Variants in TLDC2 observed in about 807,000 individuals in gnomAD.
TLDC2 encodes the protein TLD domain-containing protein 2.
Under a neutral mutation model 27.9 loss-of-function variants are expected in TLDC2, and 23 were observed. That is an observed-to-expected ratio of 0.82 (90% confidence interval 0.59 to 1.17). The LOEUF (loss-of-function observed/expected upper bound fraction) is 1.17. TLDC2 is among the 50% of genes most tolerant of loss of function. The pLI, the probability that TLDC2 is intolerant of heterozygous loss-of-function variation, is 0.00. For synonymous variants in TLDC2, 124 were observed against 107.4 expected (o/e 1.16, Z -0.96); for missense variants, 286 against 273.4 (o/e 1.05, Z -0.32).
chr20:36,882,646 T>C (rs1257775008), intron 4 of TLDC2, among the ~76,000 whole-genome samples: 1 of 152,182 alleles, frequency 6.6e-6, no homozygotes, highest in East Asian at 1.9e-4. Context: ...CACACAGTCA[T>C]CTGGTCTCAT....
At chr20:36,892,798 T>G (rs1459768819) in intron 6 of TLDC2, 64 bp from the exon 7 acceptor site, 1 of 1,132,042 alleles carries the variant, frequency 8.8e-7, no homozygotes, top group Non-Finnish European at 1.3e-6. Context: ...AAAAGTTACT[T>G]AGCTTCAGCA....
rs180979814 is a variant in TLDC2 at position 36,893,884 on chromosome 20, G to A, written c.*1040G>A. On this transcript the variant is annotated 3_prime_UTR_variant, in exon 7 of 7. Transcript: ENST00000217320. ...ATTACATTTCTCAGCTCCCATGCCTGTTGGTTTCCAGTTAGATTTGGTCAG... is the reference window on the plus strand; with the variant it reads ...ATTACATTTCTCAGCTCCCATGCCTATTGGTTTCCAGTTAGATTTGGTCAG... 3.7e-4 allele frequency: 146 copies of A among 398,632 alleles called. No homozygotes were observed. The highest frequency in any genetic ancestry group is 1.3e-3 in the Middle Eastern group (2 of 1,588). 24.7% of individuals were successfully genotyped at this position (398,632 alleles called of 1,614,324 possible). A position where few individuals can be genotyped will look rare whatever the true frequency, so the allele number is the denominator to read the frequency against.
At chr20:36,885,702 A>G (rs1396044037) in intron 4 of TLDC2, among the ~76,000 whole-genome samples, 3 of 152,184 alleles carry the variant, frequency 2.0e-5, no homozygotes, top group Admixed American at 2.0e-4. Context: ...TGGGCCACTG[A>G]TTAAGGCAAT....
At chr20:36,883,716 C>T (rs896585940) in intron 4 of TLDC2, among the ~76,000 whole-genome samples, 2 of 152,198 alleles carry the variant, frequency 1.3e-5, no homozygotes, top group Non-Finnish European at 2.9e-5. Flanking sequence ...ACCATCATTA[C>T]TTGTGTGTCC....
chr20:36,889,908 AAT>A (rs1491556037), intron 6 of TLDC2: 1 of 107,412 alleles, frequency 9.3e-6, no homozygotes, highest in Non-Finnish European at 2.3e-5. Flanking sequence ...ATGTTCCATG[AAT>A]GTGTGTGTGT....
intron 6 of TLDC2, chr20:36,890,917 CAAT>C (rs1990060001): frequency 6.6e-6 from 1 of 152,170 alleles, no homozygotes; most frequent in Non-Finnish European, 1.5e-5. Context: ...CACAATGATA[CAAT>C]ATTAGGACTA....
chr20:36,876,237 G>A, intron 1 of TLDC2, 30 bp downstream of exon 1: 2 of 1,614,108 alleles, frequency 1.2e-6, no homozygotes, highest in Non-Finnish European at 1.7e-6. Flanking sequence ...CTGTGGTGCA[G>A]GTTGGGAGGT....
intron 1 of TLDC2, among the ~76,000 whole-genome samples, chr20:36,877,115 G>A (rs1386390815): frequency 6.6e-6 from 1 of 152,182 alleles, no homozygotes; most frequent in Non-Finnish European, 1.5e-5. Context: ...GCCAGGCGCG[G>A]TGGCTCACGC....
In TLDC2 at chr20:36,880,763, A is replaced by G. The variant is rs781687542; in HGVS notation, c.438+13A>G. 3.1e-6 allele frequency: 5 copies of G among 1,612,138 alleles called. No individual in the cohort carries two copies. Among genetic ancestry groups the G allele is most frequent in the East Asian group, 4.5e-5 (2 of 44,866 alleles). Reference sequence around the variant, plus strand: ...CCCACAGCTGAAGGTGATGTTCCCAACCTTCCATGGGGGGAGTGGGGCGTG... The same window carrying G: ...CCCACAGCTGAAGGTGATGTTCCCAGCCTTCCATGGGGGGAGTGGGGCGTG... On this transcript the variant is annotated intron_variant, in intron 4 of 6. Transcript: ENST00000217320.
chr20:36,877,473 G>T (rs1409491387), intron 1 of TLDC2, among the ~76,000 whole-genome samples: 2 of 152,152 alleles, frequency 1.3e-5, no homozygotes, highest in Middle Eastern at 3.4e-3. Context: ...GCAAGGATGG[G>T]TTTTTTGTTG....
intron 4 of TLDC2, among the ~76,000 whole-genome samples, chr20:36,884,619 G>T (rs887816106): frequency 6.6e-6 from 1 of 151,928 alleles, no homozygotes; most frequent in Non-Finnish European, 1.5e-5. Flanking sequence ...ATAGCTGGGT[G>T]TGGTGGCACA....
chr20:36,877,297 C>T (rs966963914), intron 1 of TLDC2, among the ~76,000 whole-genome samples: 1 of 149,998 alleles, frequency 6.7e-6, no homozygotes, highest in East Asian at 1.9e-4. Flanking sequence ...AAGAGAATTG[C>T]TTTAACCTGG....
Position 36,880,727 on chromosome 20 carries a change from T to G in TLDC2, c.415T>G (p.Phe139Val), listed in dbSNP as rs41305821. ...CTATGGTACTGGCGAGACATTCCTC[T>G]TCTCCTTCTCCCCACAGCTGAAGGT... is the stretch of plus-strand genomic sequence containing the variant. ...GFYGTGETFLFSFSPQLKVFK... is the reference protein window; with the variant it reads ...GFYGTGETFLVSFSPQLKVFK... The change falls in exon 4 of 7, where the codon TTC (phenylalanine) becomes GTC (valine). Residue 139 changes from phenylalanine to valine, a missense_variant. Phe to Val is a conservative substitution (Grantham distance 50, BLOSUM62 -1). Coordinates refer to ENST00000217320, the MANE Select transcript of TLDC2 (RefSeq NM_080628.3). The G allele has an allele frequency of 0.02, 31,592 of 1,614,080 alleles. 377 individuals are homozygous for G. The highest frequency in any genetic ancestry group is 0.023 in the South Asian group (2,079 of 91,084).
At chr20:36,881,631 T>C (rs1187631484) in intron 4 of TLDC2, among the ~76,000 whole-genome samples, 1 of 152,128 alleles carries the variant, frequency 6.6e-6, no homozygotes, top group African/African-American at 2.4e-5. Flanking sequence ...GTTGGGGGTT[T>C]TGCCAAACTG....
At chr20:36,888,025 C>A (rs1989962752) in intron 5 of TLDC2, among the ~76,000 whole-genome samples, 1 of 152,140 alleles carries the variant, frequency 6.6e-6, no homozygotes, top group Admixed American at 6.6e-5. Flanking sequence ...TAGTACCAGG[C>A]AAATTCTTTG....
chr20:36,887,864 T>C (rs938300766), intron 5 of TLDC2, among the ~76,000 whole-genome samples: 2 of 152,006 alleles, frequency 1.3e-5, no homozygotes, highest in African/African-American at 4.8e-5. Context: ...GCCCAGGAAT[T>C]GCAGGGGACA....
chr20:36,876,126 G>A (rs1389550310), upstream of TLDC2: 4 of 1,612,874 alleles, frequency 2.5e-6, no homozygotes, highest in East Asian at 8.9e-5. Flanking sequence ...TCCTGGGCAG[G>A]GCTGAGGATT....
Position 36,889,420 on chromosome 20 carries a change from A to T in TLDC2, c.*17+17A>T, listed in dbSNP as rs756975217. On this transcript the variant is annotated intron_variant, in intron 6 of 6. Transcript: ENST00000217320. ...CGGCAACAGGTACTCAGCCCTGCTC[A>T]TGATGCCACCCAGGCCTTCCTGACA... The T allele has an allele frequency of 6.2e-7, 1 of 1,607,336 alleles. No individual in the cohort carries two copies. The highest frequency in any genetic ancestry group is 2.2e-5 in the East Asian group (1 of 44,726).
chr20:36,881,649 A>T (rs1375153098), intron 4 of TLDC2, among the ~76,000 whole-genome samples: 1 of 152,092 alleles, frequency 6.6e-6, no homozygotes, highest in East Asian at 1.9e-4. Flanking sequence ...CTGGCTTAAC[A>T]CCGGCAGAGA....
Sources: allele counts gnomAD v4.1 joint callset (sites outside exome capture counted in the v4.1 genomes callset), GRCh38; gene constraint gnomAD v4.1.1; transcripts MANE v1.5; gene names NCBI Gene and HGNC (gene_info 2026-07-23, HGNC 2026-07-21).